The following SMOC1 variants were observed in gnomAD, a reference collection of about 807,000 sequenced individuals.
SMOC1 encodes the protein SPARC-related modular calcium-binding protein 1.
SMOC1 carries 22 observed loss-of-function variants against 56.3 expected under a neutral mutation model. The ratio of observed to expected loss-of-function variants is 0.39; its 90% CI spans 0.28 to 0.56. The LOEUF is 0.56. Among genes scored for constraint, SMOC1 ranks in the 20% least tolerant of loss-of-function variants. The pLI is 0.61. For synonymous variants in SMOC1, 193 were observed against 215.0 expected, an observed-to-expected ratio of 0.90 and a Z score of 0.89; for missense variants, 509 against 565.4, an observed-to-expected ratio of 0.90 and a Z score of 1.01.
At chr14:70,011,853 G>A (rs776787188) in intron 9 of SMOC1, among the ~76,000 whole-genome samples, 15 of 152,218 alleles carry the variant, frequency 9.9e-5, no homozygotes, top group Non-Finnish European at 1.8e-4. Context: ...TGAGGACAAT[G>A]TTTTGAGCAC....
chr14:69,929,828 C>G (rs147708313), intron 1 of SMOC1, among the ~76,000 whole-genome samples: 7 of 152,094 alleles, frequency 4.6e-5, no homozygotes, highest in Admixed American at 3.9e-4. Context: ...GTTTCTTGGT[C>G]GGACAGGGAA....
chr14:69,956,853 C>G (rs1464510042), intron 3 of SMOC1, among the ~76,000 whole-genome samples: 1 of 152,130 alleles, frequency 6.6e-6, no homozygotes, highest in Non-Finnish European at 1.5e-5. Flanking sequence ...GGTCTTGAAA[C>G]CTAGGCCATA....
At chr14:69,984,842 G>A (rs1205810907) in intron 5 of SMOC1, among the ~76,000 whole-genome samples, 1 of 151,372 alleles carries the variant, frequency 6.6e-6, no homozygotes, top group Non-Finnish European at 1.5e-5. Context: ...GGATGACAGA[G>A]CGAGACTCCA....
intron 5 of SMOC1, among the ~76,000 whole-genome samples, chr14:69,980,591 C>T (rs115949526): frequency 1.3e-5 from 2 of 152,298 alleles, no homozygotes; most frequent in African/African-American, 4.8e-5. Flanking sequence ...TGAATGGGGA[C>T]AGGGTGCGAG....
At chr14:69,999,324 C>T (rs941201982) in intron 7 of SMOC1, among the ~76,000 whole-genome samples, 17 of 152,158 alleles carry the variant, frequency 1.1e-4, no homozygotes, top group Admixed American at 6.5e-4. Flanking sequence ...CTGGATTCCC[C>T]ACCCCCCAAG....
At chr14:69,887,436 C>G (rs1468044763) in intron 1 of SMOC1, among the ~76,000 whole-genome samples, 1 of 151,974 alleles carries the variant, frequency 6.6e-6, no homozygotes, top group East Asian at 1.9e-4. Flanking sequence ...GGAGGATGGG[C>G]TAAAGGCATT....
Position 70,013,508 on chromosome 14 carries a change from GA to G in SMOC1, c.1046+19del. On this transcript the variant is annotated intron_variant, in intron 10 of 11. Coordinates refer to ENST00000361956, the MANE Select transcript of SMOC1 (RefSeq NM_001034852.3). ...AGGTGGGAGGTGAGATTGTGAGCAG[GA>G]ATCAGGCCCAGGAGAAAAATGTGGG... is the stretch of plus-strand genomic sequence containing the variant. 6.2e-7 allele frequency: 1 copy of G among 1,611,308 alleles called. No homozygotes were observed. The highest frequency in any genetic ancestry group is 8.5e-7 in the Non-Finnish European group (1 of 1,177,682).
intron 5 of SMOC1, among the ~76,000 whole-genome samples, chr14:69,980,184 G>C (rs1884125838): frequency 6.6e-6 from 1 of 152,178 alleles, no homozygotes; most frequent in Non-Finnish European, 1.5e-5. Context: ...TCAGCTTCCA[G>C]AGCCAAAAGA....
At chr14:69,888,472 A>C (rs1883870964) in intron 1 of SMOC1, among the ~76,000 whole-genome samples, 1 of 152,206 alleles carries the variant, frequency 6.6e-6, no homozygotes, top group Non-Finnish European at 1.5e-5. Context: ...TCTCTAAGAC[A>C]GGAAAGGTAG....
At position 70,030,832 on chromosome 14, in the gene SMOC1, T is replaced by G. The variant is rs1377035881; in HGVS notation, c.*574T>G. On this transcript the variant is annotated 3_prime_UTR_variant, in exon 12 of 12. Transcript: ENST00000361956. The stretch of plus-strand genomic sequence containing the variant: ...GCGGACTCCACGAGTTCTTTTCTGG[T>G]GGGAGGACTATATTGCCCCATGCCA... 1 of 152,596 alleles carries G rather than the reference T, an allele frequency of 6.6e-6. No individual in the cohort carries two copies. The highest frequency in any genetic ancestry group is 1.5e-5 in the Non-Finnish European group (1 of 68,480). The allele number at this position is 152,596 out of a possible 1,614,324, so 9.5% of individuals were successfully genotyped here.
intron 1 of SMOC1, among the ~76,000 whole-genome samples, chr14:69,890,415 T>C (rs1485147345): frequency 6.6e-6 from 1 of 152,240 alleles, no homozygotes; most frequent in Non-Finnish European, 1.5e-5. Flanking sequence ...GTAGATTGTA[T>C]GTCATGCTGT....
chr14:69,882,881 A>G (rs1883682675), intron 1 of SMOC1, among the ~76,000 whole-genome samples: 1 of 152,218 alleles, frequency 6.6e-6, no homozygotes, highest in Non-Finnish European at 1.5e-5. Flanking sequence ...AATGCAGATA[A>G]TGTGTGTTTG....
intron 5 of SMOC1, among the ~76,000 whole-genome samples, chr14:69,986,688 C>T (rs771012084): frequency 2.0e-5 from 3 of 152,156 alleles, no homozygotes; most frequent in Non-Finnish European, 4.4e-5. Flanking sequence ...CCTCTGCTGC[C>T]GGTGCTTCCT....
intron 1 of SMOC1, among the ~76,000 whole-genome samples, chr14:69,919,914 C>A (rs537716630): frequency 6.1e-5 from 9 of 148,384 alleles, no homozygotes; most frequent in East Asian, 2.0e-4. Flanking sequence ...ACAAATACCC[C>A]CCCCCCCCTT....
intron 5 of SMOC1, among the ~76,000 whole-genome samples, chr14:69,981,383 T>G (rs576178619): frequency 3.5e-4 from 53 of 152,176 alleles, no homozygotes; most frequent in Admixed American, 1.4e-3. Context: ...TATGGGCACA[T>G]GTGTGGTAAT....
chr14:70,015,458 CAACA>C (rs1043502749), intron 10 of SMOC1, among the ~76,000 whole-genome samples: 1 of 68,786 alleles, frequency 1.5e-5, no homozygotes, highest in Non-Finnish European at 2.7e-5. Flanking sequence ...TTAACAACAA[CAACA>C]AAAAAAAAAC....
At chr14:69,986,360 G>T (rs1481149296) in intron 5 of SMOC1, among the ~76,000 whole-genome samples, 1 of 152,074 alleles carries the variant, frequency 6.6e-6, no homozygotes, top group African/African-American at 2.4e-5. Flanking sequence ...GTCTACACGT[G>T]GATAAAATTG....
At chr14:69,916,431 A>G (rs1884688300) in intron 1 of SMOC1, among the ~76,000 whole-genome samples, 1 of 152,218 alleles carries the variant, frequency 6.6e-6, no homozygotes, top group African/African-American at 2.4e-5. Context: ...GCAGCATGGC[A>G]GCAGAGGGAG....
intron 1 of SMOC1, among the ~76,000 whole-genome samples, chr14:69,897,124 G>T (rs1025648514): frequency 8.5e-5 from 13 of 152,174 alleles, no homozygotes; most frequent in African/African-American, 3.1e-4. Flanking sequence ...GAGGGGCAGT[G>T]CCTGGCTTTT....
Sources: allele counts gnomAD v4.1 joint callset (sites outside exome capture counted in the v4.1 genomes callset), GRCh38; gene constraint gnomAD v4.1.1; transcripts MANE v1.5; gene names NCBI Gene and HGNC (gene_info 2026-07-23, HGNC 2026-07-21).